The following SMPD3 variants were observed in gnomAD, a reference collection of about 807,000 sequenced individuals.
The protein encoded by SMPD3 is nSMase-2.
In SMPD3, 21 loss-of-function variants were observed where a neutral mutation model predicts 55.7. The observed-to-expected ratio is 0.38, with a 90% confidence interval of 0.27 to 0.54. The LOEUF is 0.54. Ranked by LOEUF, SMPD3 falls within the 20% of genes least tolerant of loss-of-function variation. The pLI, the probability that SMPD3 is intolerant of heterozygous loss-of-function variation, is 0.80. For missense variants in SMPD3, 842 were observed against 899.6 expected (o/e 0.94, Z 0.82); for synonymous variants, 457 against 404.3 (o/e 1.13, Z -1.56).
chr16:68,394,559 T>C (rs2090139009), intron 1 of SMPD3, among the ~76,000 whole-genome samples: 2 of 152,376 alleles, frequency 1.3e-5, no homozygotes, highest in South Asian at 2.1e-4. Flanking sequence ...TGACATTTAT[T>C]AGGCGCCTAC....
At chr16:68,385,609 T>TGACCA (rs2090040266) in intron 2 of SMPD3, among the ~76,000 whole-genome samples, 1 of 152,192 alleles carries the variant, frequency 6.6e-6, no homozygotes, top group African/African-American at 2.4e-5. Context: ...CCCAGCCTGG[T>TGACCA]GACCACCCTG....
chr16:68,416,707 G>A (rs1280197045), intron 1 of SMPD3, among the ~76,000 whole-genome samples: 5 of 152,224 alleles, frequency 3.3e-5, no homozygotes, highest in Non-Finnish European at 5.9e-5. Flanking sequence ...TTAGGTGAGT[G>A]TTTAATAGTT....
Position 68,361,259 on chromosome 16 carries a change from G to A in SMPD3, c.1915C>T (p.His639Tyr), listed in dbSNP as rs1159712837. 1.2e-6 allele frequency: 2 copies of A among 1,612,706 alleles called. No individual in the cohort carries two copies. The highest frequency in any genetic ancestry group is 1.7e-6 in the Non-Finnish European group (2 of 1,179,580). Residue 639 changes from histidine to tyrosine, a missense_variant, in exon 9 of 9, where the codon CAC (histidine) becomes TAC (tyrosine). His to Tyr is a moderately conservative substitution (Grantham distance 83, BLOSUM62 2). Around this residue, in one of 2 missense-constraint regions of SMPD3, gnomAD observed 649 missense variants for 643.6 expected, o/e 1.01. Transcript: ENST00000219334. ...FITQLSGLTD[H>Y]LPVAMRLMVS... Reference sequence around the variant, plus strand: ...ATCAGTCGCATGGCTACTGGCAGGTGGTCCGTCAGGCCGGACAGCTGGGTG... The same window carrying A: ...ATCAGTCGCATGGCTACTGGCAGGTAGTCCGTCAGGCCGGACAGCTGGGTG...
In SMPD3 at chr16:68,372,062, G is replaced by A. The variant is rs1009469841; in HGVS notation, c.120C>T (p.Pro40=). Residue 40 remains proline, a synonymous_variant, in exon 3 of 9, where the codon CCC becomes CCT. Transcript: ENST00000219334. The stretch of plus-strand genomic sequence containing the variant: ...CCCGCTGGCGCTTCTCGTAGGTGGT[G>A]GGTATGAAGGAGGCAGCGAGCCGGT... ...LVDRLAASFI[P]TTYEKRQRAD... is the part of the protein sequence containing the mutation. 7 of 1,608,202 alleles carry A rather than the reference G, an allele frequency of 4.4e-6. No homozygotes were observed. In the African/African-American group the frequency reaches 6.7e-5, roughly 15 times the overall value.
intron 2 of SMPD3, among the ~76,000 whole-genome samples, chr16:68,374,889 CAATGGGGGCGG>C (rs2089770934): frequency 1.3e-5 from 2 of 152,188 alleles, no homozygotes; most frequent in African/African-American, 4.8e-5. Flanking sequence ...CCTGTGGGGA[CAATGGGGGCGG>C]GATGGGGGTC....
At chr16:68,403,467 A>C (rs1458214242) in intron 1 of SMPD3, among the ~76,000 whole-genome samples, 7 of 152,214 alleles carry the variant, frequency 4.6e-5, no homozygotes, top group African/African-American at 9.7e-5. Context: ...TTCATGCCTG[A>C]AAACAACAAA....
At chr16:68,443,980 A>G (rs1190107463) in intron 1 of SMPD3, among the ~76,000 whole-genome samples, 3 of 152,222 alleles carry the variant, frequency 2.0e-5, no homozygotes, top group Non-Finnish European at 2.9e-5. Context: ...CCTACCTCAC[A>G]GGACTGTGAG....
chr16:68,390,557 C>T (rs1285704219), intron 1 of SMPD3, among the ~76,000 whole-genome samples: 3 of 152,162 alleles, frequency 2.0e-5, no homozygotes, highest in Non-Finnish European at 2.9e-5. Context: ...GCTACTTGCG[C>T]TGCTGAAGTG....
chr16:68,396,548 C>T (rs1407056690), intron 1 of SMPD3, among the ~76,000 whole-genome samples: 1 of 152,194 alleles, frequency 6.6e-6, no homozygotes, highest in African/African-American at 2.4e-5. Flanking sequence ...CTTCCAACCC[C>T]CTCCCCTCAG....
At position 68,372,237 on chromosome 16, in the gene SMPD3, G is replaced by T; in HGVS notation, c.-56C>A. On this transcript the variant is annotated 5_prime_UTR_variant, in exon 3 of 9. Coordinates refer to ENST00000219334, the MANE Select transcript of SMPD3 (RefSeq NM_018667.4). ...ACTACATGGTGTCCGTGGCAGCTGC[G>T]GGCACTTTCCTGGGCGAGGGTGGGC... is the stretch of plus-strand genomic sequence containing the variant. 2 of 1,583,206 alleles carry T rather than the reference G, an allele frequency of 1.3e-6. No individual in the cohort carries two copies. Among genetic ancestry groups the T allele is most frequent in the South Asian group, 2.3e-5 (2 of 86,494 alleles).
chr16:68,419,884 G>A (rs557592339), intron 1 of SMPD3, among the ~76,000 whole-genome samples: 9 of 152,284 alleles, frequency 5.9e-5, no homozygotes, highest in African/African-American at 2.2e-4. Flanking sequence ...ACTAATTGTG[G>A]GAACTTGGAG....
At chr16:68,382,422 CTG>C (rs2089968661) in intron 2 of SMPD3, among the ~76,000 whole-genome samples, 1 of 152,232 alleles carries the variant, frequency 6.6e-6, no homozygotes, top group Non-Finnish European at 1.5e-5. Flanking sequence ...GCTGGGGGCA[CTG>C]GGCGAGTCAG....
intron 3 of SMPD3, chr16:68,368,356 T>A: frequency 6.8e-6 from 1 of 145,994 alleles, no homozygotes; most frequent in Non-Finnish European, 1.5e-5. Flanking sequence ...GGGCGGGAGG[T>A]GGTACAAGGT....
At chr16:68,393,655 T>C (rs1249002280) in intron 1 of SMPD3, among the ~76,000 whole-genome samples, 1 of 152,200 alleles carries the variant, frequency 6.6e-6, no homozygotes, top group African/African-American at 2.4e-5. Context: ...AGGCGGACTC[T>C]TGGGAGTGAC....
At chr16:68,407,816 T>C (rs972528250) in intron 1 of SMPD3, among the ~76,000 whole-genome samples, 2 of 152,328 alleles carry the variant, frequency 1.3e-5, no homozygotes, top group Admixed American at 6.5e-5. Context: ...GTATTGATAA[T>C]ATTGTAATAC....
At chr16:68,387,546 T>C (rs1367630119) in intron 1 of SMPD3, among the ~76,000 whole-genome samples, 2 of 152,210 alleles carry the variant, frequency 1.3e-5, no homozygotes, top group Non-Finnish European at 2.9e-5. Context: ...TCTGAGCCCG[T>C]TGGCCCAGTC....
rs149817657 is a variant in SMPD3 at position 68,363,540 on chromosome 16, G to A, written c.1665C>T (p.Asn555=). 19 of 1,613,890 alleles carry A rather than the reference G, an allele frequency of 1.2e-5. No individual in the cohort carries two copies. The highest frequency in any genetic ancestry group is 8.8e-5 in the South Asian group (8 of 91,076). ...TGCACACATCCTCATCGTACAGGCC[G>A]TTCGTGTCCAGCAGAGTACCTGGGG... ...PWAIGTLLDT[N]GLYDEDVCTP... Residue 555 remains asparagine, a synonymous_variant, in exon 7 of 9, where the codon AAC becomes AAT. Coordinates refer to ENST00000219334, the MANE Select transcript of SMPD3 (RefSeq NM_018667.4).
Position 68,417,514 on chromosome 16 carries a change from G to A in SMPD3, c.-269+30839C>T, listed in dbSNP as rs555982153. ...AGCCTCCCTAAGGAGCCACTTGAGAGACATTTGTTTATTTTTGAACTTGGA... is the reference window on the plus strand; with the variant it reads ...AGCCTCCCTAAGGAGCCACTTGAGAAACATTTGTTTATTTTTGAACTTGGA... On this transcript the variant is annotated intron_variant, in intron 1 of 8. Coordinates refer to ENST00000219334, the MANE Select transcript of SMPD3 (RefSeq NM_018667.4). Among the ~76,000 whole-genome samples, 24 of 152,314 alleles carry A rather than the reference G, an allele frequency of 1.6e-4. No individual in the cohort carries two copies. The East Asian group carries it at 2.5e-3, about 16-fold the overall frequency.
At chr16:68,387,573 C>A (rs997520343) in intron 1 of SMPD3, among the ~76,000 whole-genome samples, 3 of 152,212 alleles carry the variant, frequency 2.0e-5, no homozygotes, top group Non-Finnish European at 4.4e-5. Flanking sequence ...CTTGTCCCTA[C>A]TAATCTGCCG....
Sources: allele counts gnomAD v4.1 joint callset (sites outside exome capture counted in the v4.1 genomes callset), GRCh38; gene constraint gnomAD v4.1.1; regional missense constraint gnomAD v4.1.1; transcripts MANE v1.5; gene names NCBI Gene and HGNC (gene_info 2026-07-23, HGNC 2026-07-21).